The following ARHGAP26 variants were observed in gnomAD, a reference collection of about 807,000 sequenced individuals.
ARHGAP26 encodes rho GTPase-activating protein 26.
In ARHGAP26, 38 loss-of-function variants were observed where a neutral mutation model predicts 104.8. The ratio of observed to expected loss-of-function variants is 0.36; its 90% CI spans 0.28 to 0.48. ARHGAP26 has a LOEUF of 0.48. ARHGAP26 is among the 20% of genes least tolerant of loss of function. The pLI is 0.99. For synonymous variants in ARHGAP26, 341 were observed against 340.0 expected, an observed-to-expected ratio of 1.00 and a Z score of -0.03; for missense variants, 704 against 947.9, an observed-to-expected ratio of 0.74 and a Z score of 3.38.
intron 12 of ARHGAP26, among the ~76,000 whole-genome samples, chr5:143,021,985 G>A (rs1212105913): frequency 1.3e-5 from 2 of 152,204 alleles, no homozygotes; most frequent in Non-Finnish European, 2.9e-5. Flanking sequence ...ATTTGAGAGA[G>A]TATATTTTAA....
chr5:143,222,853 C>A lies in ARHGAP26; in HGVS notation c.*407C>A, dbSNP rs186708995. The A allele has an allele frequency of 4.3e-6, 1 of 234,714 alleles. No homozygotes were observed. The highest frequency in any genetic ancestry group is 2.2e-5 in the African/African-American group (1 of 45,508). 14.5% of individuals were successfully genotyped at this position (234,714 alleles called of 1,614,324 possible). On this transcript the variant is annotated 3_prime_UTR_variant, in exon 23 of 23. Coordinates refer to ENST00000645722, the MANE Select transcript of ARHGAP26 (RefSeq NM_001135608.3). Reference sequence around the variant, plus strand: ...TGCTGGGGCTGGGTGAAGAAATTGGCGCTGAGATCCAGGCTGGATCCATTG... The same window carrying A: ...TGCTGGGGCTGGGTGAAGAAATTGGAGCTGAGATCCAGGCTGGATCCATTG...
chr5:143,053,648 A>T (rs973548001), intron 14 of ARHGAP26, among the ~76,000 whole-genome samples: 2 of 152,258 alleles, frequency 1.3e-5, no homozygotes, highest in African/African-American at 4.8e-5. Flanking sequence ...TTAAAAGTCC[A>T]TGCAAGAAGA....
chr5:142,805,088 CT>C (rs901752999), intron 1 of ARHGAP26, among the ~76,000 whole-genome samples: 1 of 150,024 alleles, frequency 6.7e-6, no homozygotes, highest in Non-Finnish European at 1.5e-5. Context: ...TTTTCTTTTT[CT>C]TTTTTTCCTT....
At chr5:142,922,621 C>T (rs183225533) in intron 10 of ARHGAP26, among the ~76,000 whole-genome samples, 147 of 152,214 alleles carry the variant, frequency 9.7e-4, no homozygotes, top group African/African-American at 2.8e-3. Context: ...TTAAACATTA[C>T]CCTTTACCTG....
chr5:143,094,109 G>C (rs957458408), intron 17 of ARHGAP26, among the ~76,000 whole-genome samples: 1 of 152,040 alleles, frequency 6.6e-6, no homozygotes, highest in Non-Finnish European at 1.5e-5. Context: ...CCACTCCCCC[G>C]CCCCCGCGGC....
chr5:142,785,123 G>A (rs1232795524), intron 1 of ARHGAP26, among the ~76,000 whole-genome samples: 1 of 151,842 alleles, frequency 6.6e-6, no homozygotes, highest in Non-Finnish European at 1.5e-5. Context: ...GTAGAGACAG[G>A]GTTTCACTGT....
intron 22 of ARHGAP26, among the ~76,000 whole-genome samples, chr5:143,218,966 G>C (rs765489865): frequency 6.6e-6 from 1 of 152,248 alleles, no homozygotes; most frequent in Non-Finnish European, 1.5e-5. Flanking sequence ...CATCAGTAAA[G>C]TGAGGATAAT....
At chr5:143,133,455 A>G (rs1449214920) in intron 18 of ARHGAP26, among the ~76,000 whole-genome samples, 1 of 152,202 alleles carries the variant, frequency 6.6e-6, no homozygotes, top group East Asian at 1.9e-4. Context: ...GCTGAGGACA[A>G]TTGATGAGGA....
intron 9 of ARHGAP26, among the ~76,000 whole-genome samples, chr5:142,911,192 A>G (rs1445642605): frequency 2.0e-5 from 3 of 152,070 alleles, no homozygotes; most frequent in Non-Finnish European, 4.4e-5. Context: ...CCCAAAACCG[A>G]TCCTATCCCT....
intron 11 of ARHGAP26, among the ~76,000 whole-genome samples, chr5:142,963,739 A>T (rs577270122): frequency 6.6e-6 from 1 of 152,188 alleles, no homozygotes; most frequent in East Asian, 1.9e-4. Flanking sequence ...CTTCTATCAA[A>T]TCACCTGCTT....
chr5:142,874,450 G>A (rs891404067), intron 2 of ARHGAP26, among the ~76,000 whole-genome samples: 1 of 152,228 alleles, frequency 6.6e-6, no homozygotes, highest in Non-Finnish European at 1.5e-5. Context: ...TGAGAATGGT[G>A]AAAATGTATC....
intron 11 of ARHGAP26, among the ~76,000 whole-genome samples, chr5:142,932,941 A>C (rs1005606984): frequency 9.2e-5 from 14 of 152,254 alleles, no homozygotes; most frequent in Non-Finnish European, 1.8e-4. Flanking sequence ...GACGTAGTCA[A>C]CTAGGCATAA....
chr5:143,012,561 A>ATT (rs1554195688), intron 11 of ARHGAP26, among the ~76,000 whole-genome samples: 2 of 76,840 alleles, frequency 2.6e-5, no homozygotes, highest in Non-Finnish European at 3.3e-5. Context: ...ACATATATAT[A>ATT]TATATATATA....
chr5:143,008,852 C>A (rs993326840), intron 11 of ARHGAP26, among the ~76,000 whole-genome samples: 4 of 152,086 alleles, frequency 2.6e-5, no homozygotes, highest in African/African-American at 9.7e-5. Context: ...TTCTGGGAAT[C>A]CAGATGACTC....
rs35201189 is a variant in ARHGAP26, at chr5:143,087,636, CTTTTT to C, written c.1538+29911_1538+29915del. On this transcript the variant is annotated intron_variant, in intron 17 of 22. Coordinates refer to ENST00000645722, the MANE Select transcript of ARHGAP26 (RefSeq NM_001135608.3). ...CTCATCTAATTAACCCTGGCCCATT[CTTTTT>C]TTTTTTTTTTTTTTTTTTTTTGAGA... 3.6e-3 allele frequency among the ~76,000 whole-genome samples: 184 copies of C among 51,544 alleles called. 2 individuals carry two copies. Among genetic ancestry groups the C allele is most frequent in the East Asian group, 0.019 (22 of 1,164 alleles). 33.8% of individuals were successfully genotyped at this position (51,544 alleles called of 152,430 possible).
chr5:143,176,868 A>G (rs1046083982), intron 20 of ARHGAP26, among the ~76,000 whole-genome samples: 8 of 152,228 alleles, frequency 5.3e-5, no homozygotes, highest in Non-Finnish European at 1.0e-4. Flanking sequence ...CAGAATCCGT[A>G]AATGCCTTTA....
At chr5:143,181,986 C>G (rs757897095) in intron 20 of ARHGAP26, among the ~76,000 whole-genome samples, 12 of 152,176 alleles carry the variant, frequency 7.9e-5, no homozygotes, top group Non-Finnish European at 1.0e-4. Flanking sequence ...CTTGTACGCT[C>G]CTGTGCTTAT....
chr5:143,024,895 C>T (rs967886001), intron 12 of ARHGAP26, among the ~76,000 whole-genome samples: 15 of 152,126 alleles, frequency 9.9e-5, no homozygotes, highest in African/African-American at 3.6e-4. Context: ...ATCCCAGCCT[C>T]AAGAATTACT....
intron 1 of ARHGAP26, chr5:142,772,602 A>G (rs1755443480): frequency 4.9e-6 from 2 of 405,896 alleles, no homozygotes; most frequent in Non-Finnish European, 9.7e-6. Flanking sequence ...ACATATAATT[A>G]TCTCATGTGC....
Sources: allele counts gnomAD v4.1 joint callset (sites outside exome capture counted in the v4.1 genomes callset), GRCh38; gene constraint gnomAD v4.1.1; transcripts MANE v1.5; gene names NCBI Gene and HGNC (gene_info 2026-07-23, HGNC 2026-07-21).